The following TCEA2 variants were observed in gnomAD, a reference collection of about 807,000 sequenced individuals.
TCEA2 encodes transcription elongation factor A protein 2.
In TCEA2, 21 loss-of-function variants were observed where a neutral mutation model predicts 40.8. The ratio of observed to expected loss-of-function variants is 0.51; its 90% CI spans 0.36 to 0.74. The LOEUF (loss-of-function observed/expected upper bound fraction) is 0.74, where lower values mean the gene tolerates loss of function less well. Among genes scored for constraint, TCEA2 ranks in the 30% least tolerant of loss-of-function variants. TCEA2 has a pLI of 0.00. For synonymous variants in TCEA2, 165 were observed against 162.7 expected (o/e 1.01, Z -0.11); for missense variants, 326 against 426.5 (o/e 0.76, Z 2.08).
At chr20:64,067,062 C>T in intron 3 of TCEA2, 42 bp downstream of exon 3, 4 of 1,556,516 alleles carry the variant, frequency 2.6e-6, no homozygotes, top group Non-Finnish European at 3.5e-6. Flanking sequence ...GGGCAGGGGT[C>T]CCAGAAGTGC....
intron 8 of TCEA2, 80 bp from the exon 9 acceptor site, chr20:64,071,790 C>T: frequency 6.5e-6 from 10 of 1,537,332 alleles, no homozygotes; most frequent in Admixed American, 3.6e-5. Context: ...GGCTGCGAGG[C>T]CCGCACTGCC....
rs761493357 is a variant in TCEA2, at chr20:64,070,635, G to A, written c.819G>A (p.Gln273=). Residue 273 remains glutamine (Q), a splice_region_variant and synonymous_variant, in exon 8 of 10, where the codon CAG becomes CAA. Coordinates refer to ENST00000343484, the MANE Select transcript of TCEA2 (RefSeq NM_003195.6). ...GGAAAAAGAACTGCACCTACACACA[G>A]GTGAGCGGCCGCTGGGCACCCTCCC... The part of the protein sequence containing the change: ...KCRKKNCTYT[Q]VQTRSSDEPM... The A allele has an allele frequency of 7.0e-6, 11 of 1,570,446 alleles. No homozygotes were observed. The Admixed American group carries it at 1.9e-4, about 27-fold the overall frequency.
At chr20:64,069,635 C>T (rs923302916) in intron 5 of TCEA2, 130 bp from the exon 6 acceptor site, 1 of 1,532,268 alleles carries the variant, frequency 6.5e-7, no homozygotes, top group Non-Finnish European at 8.8e-7. Context: ...GGCTAGGGGC[C>T]TGTGCCTGGA....
intron 8 of TCEA2, 55 bp downstream of exon 8, chr20:64,070,690 G>A: frequency 6.8e-7 from 1 of 1,468,520 alleles, no homozygotes. Context: ...GGCATCTGGT[G>A]CCCCTCCTTG....
chr20:64,067,130 C>G (rs1169706394), intron 3 of TCEA2, 110 bp downstream of exon 3: 3 of 1,202,588 alleles, frequency 2.5e-6, no homozygotes, highest in South Asian at 1.3e-5. Flanking sequence ...TGAGCCAGGT[C>G]GCTTGGGAGT....
At position 64,069,341 on chromosome 20, in the gene TCEA2, C is replaced by G. The variant is rs780179052; in HGVS notation, c.330-20C>G. ...CCTGCAGCCTTGAGTCTGAACCCAGCTGGCCCTGGCTCTCTGCAGCCGCAA... is the reference window on the plus strand; with the variant it reads ...CCTGCAGCCTTGAGTCTGAACCCAGGTGGCCCTGGCTCTCTGCAGCCGCAA... On this transcript the variant is annotated intron_variant, in intron 4 of 9. Coordinates refer to ENST00000343484, the MANE Select transcript of TCEA2 (RefSeq NM_003195.6). 6.4e-7 allele frequency: 1 copy of G among 1,558,508 alleles called. No individual in the cohort carries two copies. Among genetic ancestry groups the G allele is most frequent in the Non-Finnish European group, 8.7e-7 (1 of 1,150,190 alleles).
chr20:64,069,908 G>A, intron 6 of TCEA2, 87 bp downstream of exon 6: 1 of 1,517,888 alleles, frequency 6.6e-7, no homozygotes, highest in Non-Finnish European at 9.0e-7. Context: ...GCTGCTGGAT[G>A]CCACTGCCCA....
upstream of TCEA2, among the ~76,000 whole-genome samples, chr20:64,056,472 G>C (rs891883547): frequency 2.0e-5 from 3 of 152,132 alleles, no homozygotes; most frequent in African/African-American, 7.2e-5. Flanking sequence ...GATGGAAAGG[G>C]GCGCAGAGAC....
intron 5 of TCEA2, 89 bp downstream of exon 5, chr20:64,069,580 C>T: frequency 2.4e-5 from 37 of 1,559,824 alleles, no homozygotes; most frequent in Non-Finnish European, 2.7e-5. Context: ...CTGCTTCCAG[C>T]GGGGTGACTG....
chr20:64,067,434 C>G (rs937324350), intron 3 of TCEA2, among the ~76,000 whole-genome samples: 4 of 152,040 alleles, frequency 2.6e-5, no homozygotes, highest in Non-Finnish European at 5.9e-5. Flanking sequence ...CTCAGCTACT[C>G]AGAGGGAACA....
chr20:64,056,546 G>A (rs1256702271), upstream of TCEA2, among the ~76,000 whole-genome samples: 1 of 19,610 alleles, frequency 5.1e-5, no homozygotes, highest in Non-Finnish European at 8.9e-5. Context: ...GGGGCTCCTG[G>A]GGCTGCAGGA....
intron 2 of TCEA2, 136 bp from the exon 3 acceptor site, chr20:64,066,779 C>T (rs561926449): frequency 5.6e-5 from 51 of 906,052 alleles, no homozygotes; most frequent in African/African-American, 5.3e-4. Context: ...ATGGGACAGT[C>T]GCCATTGGGA....
At position 64,069,544 on chromosome 20, in the gene TCEA2, C is replaced by A. The variant is rs571748248; in HGVS notation, c.460+53C>A. Reference sequence around the variant, plus strand: ...CACCCGCTGTGGTTCACAGGGTGGCCCGGGCCCCTGCCTGCCCGCAGAGGC... The same window carrying A: ...CACCCGCTGTGGTTCACAGGGTGGCACGGGCCCCTGCCTGCCCGCAGAGGC... On this transcript the variant is annotated intron_variant, in intron 5 of 9. Coordinates refer to ENST00000343484, the MANE Select transcript of TCEA2 (RefSeq NM_003195.6). 1.9e-6 allele frequency: 3 copies of A among 1,591,596 alleles called. No homozygotes were observed. In the African/African-American group the frequency reaches 4.0e-5, roughly 21 times the overall value.
intron 3 of TCEA2, among the ~76,000 whole-genome samples, chr20:64,067,416 A>G (rs1450623250): frequency 6.6e-6 from 1 of 152,136 alleles, no homozygotes; most frequent in Non-Finnish European, 1.5e-5. Flanking sequence ...GGGAGAAGGC[A>G]GGGCCACCTC....
At position 64,064,796 on chromosome 20, in the gene TCEA2, C is replaced by T. The variant is rs532723111; in HGVS notation, c.72+1412C>T. On this transcript the variant is annotated intron_variant, in intron 1 of 9. Coordinates refer to ENST00000343484, the MANE Select transcript of TCEA2 (RefSeq NM_003195.6). ...CCCATCATTGCGTTCACACACACCC[C>T]GGAAAACTGGTCAGCACAAAGTAGG... 5.3e-5 allele frequency among the ~76,000 whole-genome samples: 8 copies of T among 152,264 alleles called. No individual in the cohort carries two copies. The South Asian group carries it at 1.2e-3, about 24-fold the overall frequency.
chr20:64,069,022 C>T (rs1368681733), intron 4 of TCEA2, among the ~76,000 whole-genome samples: 1 of 152,252 alleles, frequency 6.6e-6, no homozygotes, highest in Admixed American at 6.5e-5. Context: ...GGTGGGCACC[C>T]CAGAGGTGGC....
upstream of TCEA2, among the ~76,000 whole-genome samples, chr20:64,061,275 TTTG>T (rs1171274921): frequency 1.3e-5 from 2 of 149,562 alleles, no homozygotes; most frequent in South Asian, 2.1e-4. Flanking sequence ...TAATTTTTTT[TTTG>T]TTGTTGTTTG....
At chr20:64,058,770 A>G (rs550207494), upstream of TCEA2, among the ~76,000 whole-genome samples, 2 of 152,354 alleles carry the variant, frequency 1.3e-5, no homozygotes, top group South Asian at 4.1e-4. This position sits in a 1 kb window ranked among gnomAD's most constrained non-coding sequence, Gnocchi z 6.7. Flanking sequence ...TCCCAGCAGC[A>G]GCGAGTGTGG....
chr20:64,061,499 T>C (rs1352859095), upstream of TCEA2, among the ~76,000 whole-genome samples: 1 of 152,002 alleles, frequency 6.6e-6, no homozygotes, highest in Non-Finnish European at 1.5e-5. Flanking sequence ...ATGGTCTCGA[T>C]CTCCTGACCT....
Sources: gnomAD v4.1 joint callset for allele counts (sites outside exome capture counted in the v4.1 genomes callset) on GRCh38, gnomAD v4.1.1 for gene constraint, Gnocchi (gnomAD v3.1) non-coding constraint, MANE v1.5 for transcripts, NCBI Gene and HGNC (gene_info 2026-07-23, HGNC 2026-07-21) for gene names.